The following PNO1 variants were observed in gnomAD, a reference collection of about 807,000 sequenced individuals.
PNO1 encodes the protein partner of NOB1 homolog.
Under a neutral mutation model 28.4 loss-of-function variants are expected in PNO1, and 16 were observed. The observed-to-expected ratio is 0.56, with a 90% confidence interval of 0.38 to 0.85. The LOEUF (loss-of-function observed/expected upper bound fraction) is 0.85, where lower values mean the gene tolerates loss of function less well. Among genes scored for constraint, PNO1 ranks in the 40% least tolerant of loss-of-function variants. The probability of loss-of-function intolerance (pLI) is 0.00; values close to 1 mark genes in which losing one functional copy is unlikely to be tolerated. For missense variants in PNO1, 304 were observed against 312.2 expected, an observed-to-expected ratio of 0.97 and a Z score of 0.20; for synonymous variants, 115 against 110.8, an observed-to-expected ratio of 1.04 and a Z score of -0.24.
intron 2 of PNO1, chr2:68,161,368 G>C (rs897404509): frequency 6.4e-6 from 3 of 469,414 alleles, no homozygotes; most frequent in Admixed American, 5.2e-5. Flanking sequence ...AGAAGGTAGA[G>C]GTTCTTCAGA....
chr2:68,159,143 G>A (rs538190361), intron 2 of PNO1, among the ~76,000 whole-genome samples: 1 of 152,094 alleles, frequency 6.6e-6, no homozygotes, highest in Non-Finnish European at 1.5e-5. Flanking sequence ...GACCACCATG[G>A]TATGAGCGGT....
intron 5 of PNO1, among the ~76,000 whole-genome samples, chr2:68,164,079 A>C (rs1294838886): frequency 6.6e-6 from 1 of 152,196 alleles, no homozygotes; most frequent in Admixed American, 6.5e-5. Context: ...GGCCCTCTTT[A>C]CCTGAAGCCA....
intron 6 of PNO1, 22 bp downstream of exon 6, chr2:68,173,439 G>C (rs1674184865): frequency 6.8e-7 from 1 of 1,465,376 alleles, no homozygotes; most frequent in African/African-American, 1.4e-5. Context: ...TTCTTTCTTT[G>C]GTGTTTTCTC....
At chr2:68,164,937 G>A (rs1476684810) in intron 5 of PNO1, among the ~76,000 whole-genome samples, 1 of 152,100 alleles carries the variant, frequency 6.6e-6, no homozygotes, top group Non-Finnish European at 1.5e-5. Context: ...TGATATCATA[G>A]GATACTTCTC....
At chr2:68,158,612 T>G in intron 2 of PNO1, 83 bp downstream of exon 2, 7 of 1,233,874 alleles carry the variant, frequency 5.7e-6, no homozygotes, top group Non-Finnish European at 7.8e-6. Flanking sequence ...CTTTACTTAA[T>G]GGGACTTTTC....
At chr2:68,173,476 A>T (rs2103694427) in intron 6 of PNO1, 59 bp downstream of exon 6, 1 of 1,044,372 alleles carries the variant, frequency 9.6e-7, no homozygotes, top group East Asian at 2.4e-5. Context: ...TTAATTGAGG[A>T]AGTCAAAACC....
chr2:68,163,539 A>AC lies in PNO1; in HGVS notation c.620+876_620+877insC, dbSNP rs1198643927. Among the ~76,000 whole-genome samples the AC allele has an allele frequency of 8.1e-4, 119 of 146,946 alleles. 1 individual carries two copies. Among genetic ancestry groups the AC allele is most frequent in the African/African-American group, 2.8e-3 (106 of 38,022 alleles). ...GAGTGAGACTCTGTCTCAAATAAAT[A>AC]AATACATACATACATACATACATAC... is the stretch of plus-strand genomic sequence containing the variant. On this transcript the variant is annotated intron_variant, in intron 5 of 6. Coordinates refer to ENST00000263657, the MANE Select transcript of PNO1 (RefSeq NM_020143.4).
chr2:68,163,934 CTGCCTA>C (rs1342848672), intron 5 of PNO1, among the ~76,000 whole-genome samples: 1 of 152,150 alleles, frequency 6.6e-6, no homozygotes, highest in Non-Finnish European at 1.5e-5. Flanking sequence ...GAGGAGGGTT[CTGCCTA>C]TGACTAAATT....
chr2:68,162,448 GTGT>G (rs1673859616), intron 4 of PNO1, 95 bp from the exon 5 acceptor site: 1 of 1,049,692 alleles, frequency 9.5e-7, no homozygotes, highest in Non-Finnish European at 1.5e-6. Context: ...TATACACTTT[GTGT>G]CCTTTAGAGA....
chr2:68,171,196 A>C (rs1010173317), intron 5 of PNO1, among the ~76,000 whole-genome samples: 6 of 152,128 alleles, frequency 3.9e-5, no homozygotes, highest in African/African-American at 1.4e-4. Flanking sequence ...TCCTTTCTTC[A>C]TTTTCGTCGT....
chr2:68,171,465 A>G (rs923959239), intron 5 of PNO1, among the ~76,000 whole-genome samples: 2 of 152,166 alleles, frequency 1.3e-5, no homozygotes, highest in African/African-American at 2.4e-5. Context: ...AGTCAGTTCC[A>G]TCTCCTCCAT....
chr2:68,165,644 T>A (rs900279046), intron 5 of PNO1, among the ~76,000 whole-genome samples: 50 of 148,124 alleles, frequency 3.4e-4, no homozygotes, highest in African/African-American at 1.2e-3. Context: ...AGGTTAGGAA[T>A]TCGAAACCAG....
At position 68,176,137 on chromosome 2, in the gene PNO1, C is replaced by G. The variant is rs541544745; in HGVS notation, c.*1335C>G. On this transcript the variant is annotated 3_prime_UTR_variant, in exon 7 of 7. Transcript: ENST00000263657. ...TTTTTCCCACCCAAAAAACTATGCT[C>G]TATAAATGCAGATTAGCTAGTTTCT... 4 of 152,278 alleles carry G rather than the reference C, an allele frequency of 2.6e-5. No homozygotes were observed. Among genetic ancestry groups the G allele is most frequent in the African/African-American group, 7.2e-5 (3 of 41,556 alleles). The allele number at this position is 152,278 out of a possible 1,614,324, so 9.4% of individuals were successfully genotyped here.
intron 6 of PNO1, among the ~76,000 whole-genome samples, chr2:68,174,288 G>GTTTTTTTTTTTTT (rs34323809): frequency 9.4e-6 from 1 of 106,800 alleles, no homozygotes; most frequent in Admixed American, 1.0e-4. Flanking sequence ...TTCTGTTAAG[G>GTTTTTTTTTTTTT]TTTTTTTTTT....
At chr2:68,163,595 G>C (rs1355735565) in intron 5 of PNO1, among the ~76,000 whole-genome samples, 1 of 151,294 alleles carries the variant, frequency 6.6e-6, no homozygotes, top group African/African-American at 2.5e-5. Context: ...TTACTCAAGG[G>C]AATCTATTAA....
At chr2:68,160,780 C>T (rs939128245) in intron 2 of PNO1, among the ~76,000 whole-genome samples, 1 of 152,164 alleles carries the variant, frequency 6.6e-6, no homozygotes, top group Non-Finnish European at 1.5e-5. Context: ...AACTCAAGAC[C>T]TAAAGTATCT....
intron 2 of PNO1, chr2:68,161,444 G>A (rs1318673990): frequency 1.4e-5 from 7 of 498,788 alleles, no homozygotes; most frequent in South Asian, 2.0e-5. Context: ...CATATAGTGC[G>A]GTTAGTTATT....
At position 68,157,990 on chromosome 2, in the gene PNO1, TCACCCG is replaced by T; in HGVS notation, c.59_64del (p.Thr20_Arg21del). 2 of 1,614,096 alleles carry T rather than the reference TCACCCG, an allele frequency of 1.2e-6. No homozygotes were observed. The highest frequency in any genetic ancestry group is 1.7e-6 in the Non-Finnish European group (2 of 1,180,012). On this transcript the variant is annotated inframe_deletion, in exon 1 of 7. Transcript: ENST00000263657. Reference sequence around the variant, plus strand: ...AGGGCAGAGGAGGGCTTTACCCAGGTCACCCGCAAGGGTGGCCGACGGGCGAAGAAA... The same window carrying T: ...AGGGCAGAGGAGGGCTTTACCCAGGTCAAGGGTGGCCGACGGGCGAAGAAA...
intron 5 of PNO1, among the ~76,000 whole-genome samples, chr2:68,164,724 G>A (rs971131968): frequency 6.6e-6 from 1 of 152,066 alleles, no homozygotes; most frequent in Non-Finnish European, 1.5e-5. Context: ...TTGAACCAAG[G>A]ATGTCAAGAC....
Sources: allele counts gnomAD v4.1 joint callset (sites outside exome capture counted in the v4.1 genomes callset), GRCh38; gene constraint gnomAD v4.1.1; transcripts MANE v1.5; gene names NCBI Gene and HGNC (gene_info 2026-07-23, HGNC 2026-07-21).